Variants in PDE4D observed in about 807,000 individuals in gnomAD.
The protein encoded by PDE4D is phosphodiesterase 4D, also known as 3',5'-cyclic-AMP phosphodiesterase 4D.
Under a neutral mutation model 87.4 loss-of-function variants are expected in PDE4D, and 24 were observed. The observed-to-expected ratio is 0.27, with a 90% CI of 0.20 to 0.39. PDE4D has a LOEUF of 0.39. Ranked by LOEUF, PDE4D falls within the 10% of genes least tolerant of loss-of-function variation. The probability of loss-of-function intolerance (pLI) is 1.00; values close to 1 mark genes in which losing one functional copy is unlikely to be tolerated. For synonymous variants in PDE4D, 384 were observed against 383.2 expected, an observed-to-expected ratio of 1.00 and a Z score of -0.02; for missense variants, 714 against 1,041.0, an observed-to-expected ratio of 0.69 and a Z score of 4.32.
chr5:60,289,001 G>A (rs936504206), intron 1 of PDE4D, among the ~76,000 whole-genome samples: 1 of 152,060 alleles, frequency 6.6e-6, no homozygotes, highest in Non-Finnish European at 1.5e-5. Flanking sequence ...AACACAGAAG[G>A]AACATGTATA....
chr5:59,773,466 A>C (rs1763776841), intron 1 of PDE4D, among the ~76,000 whole-genome samples: 1 of 152,190 alleles, frequency 6.6e-6, no homozygotes, highest in African/African-American at 2.4e-5. Context: ...GCCCTTGGCT[A>C]TTCTCAGCAT....
chr5:59,170,310 C>G (rs1782559775), intron 5 of PDE4D, among the ~76,000 whole-genome samples: 1 of 152,178 alleles, frequency 6.6e-6, no homozygotes, highest in African/African-American at 2.4e-5. Flanking sequence ...AGCCACTGCA[C>G]CCAGCCCTAA....
At chr5:60,039,562 G>A (rs1212068748) in intron 2 of PDE4D, among the ~76,000 whole-genome samples, 1 of 150,814 alleles carries the variant, frequency 6.6e-6, no homozygotes, top group South Asian at 2.1e-4. Context: ...TTGTGCACAT[G>A]TACCCTAAAA....
At chr5:59,269,078 T>C (rs1323819417) in intron 1 of PDE4D, among the ~76,000 whole-genome samples, 1 of 151,654 alleles carries the variant, frequency 6.6e-6, no homozygotes, top group African/African-American at 2.4e-5. Flanking sequence ...GCCAAAACCA[T>C]GGTGTGCCTC....
chr5:60,132,738 A>G (rs1333752472), intron 2 of PDE4D, among the ~76,000 whole-genome samples: 1 of 152,040 alleles, frequency 6.6e-6, no homozygotes, highest in East Asian at 1.9e-4. Flanking sequence ...CATTTAAAAT[A>G]TTACTCAAGT....
At chr5:59,047,954 C>A (rs887110122) in intron 5 of PDE4D, among the ~76,000 whole-genome samples, 1 of 152,206 alleles carries the variant, frequency 6.6e-6, no homozygotes, top group Admixed American at 6.5e-5. Context: ...TCTCAGACTT[C>A]CAGCTCCCAG....
At chr5:60,346,580 T>A (rs1758762698) in intron 1 of PDE4D, among the ~76,000 whole-genome samples, 1 of 152,156 alleles carries the variant, frequency 6.6e-6, no homozygotes, top group South Asian at 2.1e-4. Flanking sequence ...TACTGGGCAG[T>A]AGCCATGACT....
intron 6 of PDE4D, among the ~76,000 whole-genome samples, chr5:59,023,673 A>G (rs1755659724): frequency 6.6e-6 from 1 of 152,022 alleles, no homozygotes; most frequent in Non-Finnish European, 1.5e-5. Flanking sequence ...AAAACAAAAC[A>G]AAAAACGTTT....
At chr5:59,771,457 GAA>G (rs1491494502) in intron 1 of PDE4D, among the ~76,000 whole-genome samples, 4 of 68,740 alleles carry the variant, frequency 5.8e-5, no homozygotes, top group Non-Finnish European at 1.1e-4. Flanking sequence ...AAGAAAGAAA[GAA>G]AGAAAGAAAG....
intron 2 of PDE4D, among the ~76,000 whole-genome samples, chr5:60,129,297 G>C (rs1779377139): frequency 1.3e-5 from 2 of 152,194 alleles, no homozygotes; most frequent in Admixed American, 6.5e-5. Context: ...TCTTCTTTAA[G>C]TCTTTGGAGG....
At chr5:59,095,286 A>G (rs557932174) in intron 5 of PDE4D, among the ~76,000 whole-genome samples, 5 of 151,110 alleles carry the variant, frequency 3.3e-5, no homozygotes, top group Non-Finnish European at 5.9e-5. Context: ...TTCATTAACA[A>G]TCTCATAATG....
At chr5:59,719,767 A>G (rs1276735248) in intron 1 of PDE4D, among the ~76,000 whole-genome samples, 1 of 152,230 alleles carries the variant, frequency 6.6e-6, no homozygotes, top group East Asian at 1.9e-4. Flanking sequence ...AACACTATAC[A>G]TTTCAGTGTT....
At chr5:59,207,700 CA>C (rs990303676) in intron 2 of PDE4D, among the ~76,000 whole-genome samples, 1 of 151,058 alleles carries the variant, frequency 6.6e-6, no homozygotes, top group Admixed American at 6.6e-5. Context: ...CTTCTCCCTG[CA>C]TTTTTTTTTA....
At chr5:59,583,936 G>A (rs1164850657) in intron 1 of PDE4D, among the ~76,000 whole-genome samples, 3 of 152,310 alleles carry the variant, frequency 2.0e-5, no homozygotes, top group Admixed American at 6.5e-5. Flanking sequence ...GCTAGGGCTC[G>A]TGAAACCAAA....
chr5:59,335,340 A>C (rs1777478055), intron 1 of PDE4D, among the ~76,000 whole-genome samples: 1 of 152,164 alleles, frequency 6.6e-6, no homozygotes, highest in Non-Finnish European at 1.5e-5. Flanking sequence ...TAAAATCTCC[A>C]TTTTGCAGAG....
intron 1 of PDE4D, among the ~76,000 whole-genome samples, chr5:60,284,022 A>G (rs761595328): frequency 1.3e-5 from 2 of 152,204 alleles, no homozygotes; most frequent in Non-Finnish European, 2.9e-5. Context: ...ACTAGGTAGC[A>G]CAGTGAACGG....
intron 1 of PDE4D, among the ~76,000 whole-genome samples, chr5:59,282,952 G>C (rs1011574319): frequency 6.6e-6 from 1 of 152,124 alleles, no homozygotes; most frequent in Non-Finnish European, 1.5e-5. Flanking sequence ...TTTAGGAAGG[G>C]TATGTAGGAT....
At chr5:59,046,840 A>G (rs1163605819) in intron 5 of PDE4D, among the ~76,000 whole-genome samples, 5 of 152,180 alleles carry the variant, frequency 3.3e-5, no homozygotes, top group Non-Finnish European at 5.9e-5. Context: ...AGCTAAGTTT[A>G]ATTAGGCATC....
At chr5:60,454,697 G>T (rs990386264) in intron 1 of PDE4D, among the ~76,000 whole-genome samples, 5 of 152,076 alleles carry the variant, frequency 3.3e-5, no homozygotes, top group African/African-American at 1.2e-4. Flanking sequence ...TAACGCATGC[G>T]GGGCTTAATA....
Sources: gnomAD v4.1 joint callset for allele counts (sites outside exome capture counted in the v4.1 genomes callset) on GRCh38, gnomAD v4.1.1 for gene constraint, MANE v1.5 for transcripts, NCBI Gene and HGNC (gene_info 2026-07-23, HGNC 2026-07-21) for gene names.